The following CTNNA3 variants were observed in gnomAD, a reference collection of about 807,000 sequenced individuals.
The protein encoded by CTNNA3 is catenin alpha-3.
A neutral mutation model predicts 95.7 loss-of-function variants in CTNNA3; 76 were observed. That is an observed-to-expected ratio of 0.79 (90% CI 0.66 to 0.96). CTNNA3 has a LOEUF of 0.96. CTNNA3 is among the 40% of genes least tolerant of loss of function. The pLI is 0.00. For missense variants in CTNNA3, 1,191 were observed against 1,089.8 expected, an observed-to-expected ratio of 1.09 and a Z score of -1.31; for synonymous variants, 431 against 374.4, an observed-to-expected ratio of 1.15 and a Z score of -1.74.
At chr10:66,697,358 C>T (rs1232552570) in intron 9 of CTNNA3, among the ~76,000 whole-genome samples, 1 of 150,904 alleles carries the variant, frequency 6.6e-6, no homozygotes, top group African/African-American at 2.4e-5. Context: ...AGAATAAATC[C>T]TAGGAAAAGC....
chr10:66,331,342 G>GCTTGCT (rs201302254), intron 12 of CTNNA3, among the ~76,000 whole-genome samples: 1 of 80,346 alleles, frequency 1.2e-5, no homozygotes, highest in Admixed American at 1.6e-4. Flanking sequence ...CCCATTGTTT[G>GCTTGCT]TTTTTTTTTT....
chr10:66,440,098 T>G (rs2131782871), intron 11 of CTNNA3, among the ~76,000 whole-genome samples: 1 of 152,278 alleles, frequency 6.6e-6, no homozygotes, highest in African/African-American at 2.4e-5. Context: ...CTTGGGCTAT[T>G]AAAACAGTAT....
At chr10:67,577,640 A>ACACACATATGTGTGTGTG (rs1564753886) in intron 3 of CTNNA3, among the ~76,000 whole-genome samples, 2 of 151,346 alleles carry the variant, frequency 1.3e-5, no homozygotes, top group South Asian at 2.1e-4. Flanking sequence ...TTGTATATAT[A>ACACACATATGTGTGTGTG]TGTATGTGTA....
intron 7 of CTNNA3, among the ~76,000 whole-genome samples, chr10:66,993,820 G>A (rs1328793003): frequency 6.6e-6 from 1 of 151,928 alleles, no homozygotes; most frequent in African/African-American, 2.4e-5. Flanking sequence ...TGCAAATTTG[G>A]TTAGGTCTTC....
At chr10:66,682,369 G>T (rs1847096182) in intron 9 of CTNNA3, among the ~76,000 whole-genome samples, 1 of 151,972 alleles carries the variant, frequency 6.6e-6, no homozygotes, top group Non-Finnish European at 1.5e-5. Flanking sequence ...AGAAAATAAA[G>T]AAATCTTGTT....
At chr10:66,019,416 A>C (rs1020803906) in intron 15 of CTNNA3, among the ~76,000 whole-genome samples, 7 of 152,062 alleles carry the variant, frequency 4.6e-5, no homozygotes, top group Admixed American at 3.3e-4. Flanking sequence ...ATGTTGAAGG[A>C]TATAGAATAG....
intron 10 of CTNNA3, among the ~76,000 whole-genome samples, chr10:66,577,466 T>C (rs2132183669): frequency 6.6e-6 from 1 of 152,180 alleles, no homozygotes; most frequent in African/African-American, 2.4e-5. Context: ...TTAGTTCTAC[T>C]TTTAAGTTTT....
chr10:66,307,729 G>C (rs1380744895), intron 12 of CTNNA3, among the ~76,000 whole-genome samples: 1 of 152,146 alleles, frequency 6.6e-6, no homozygotes, highest in Admixed American at 6.5e-5. Flanking sequence ...TTGATCTAAA[G>C]ACTTAAGTTT....
At chr10:66,860,322 G>A (rs1843865813) in intron 7 of CTNNA3, among the ~76,000 whole-genome samples, 1 of 152,042 alleles carries the variant, frequency 6.6e-6, no homozygotes, top group Non-Finnish European at 1.5e-5. Flanking sequence ...TAGCGAAGAA[G>A]AAAAATTACT....
intron 10 of CTNNA3, among the ~76,000 whole-genome samples, chr10:66,617,836 T>G (rs530434952): frequency 4.7e-4 from 72 of 151,862 alleles, no homozygotes; most frequent in African/African-American, 1.7e-3. Flanking sequence ...CAAAATCTCC[T>G]TAAGCTGATA....
At chr10:67,754,945 C>G (rs1161543001) in intron 1 of CTNNA3, among the ~76,000 whole-genome samples, 1 of 152,098 alleles carries the variant, frequency 6.6e-6, no homozygotes, top group East Asian at 1.9e-4. Flanking sequence ...AGCCTGTAAT[C>G]TCAGCACTTA....
chr10:66,087,365 T>C (rs10822709), intron 14 of CTNNA3, among the ~76,000 whole-genome samples: 80,007 of 151,888 alleles, frequency 0.53, 21,642 homozygotes, highest in South Asian at 0.6. Context: ...TCTTTGTTCC[T>C]CTTATCGCGA....
At chr10:67,546,200 T>A (rs904834579) in intron 3 of CTNNA3, among the ~76,000 whole-genome samples, 1 of 152,132 alleles carries the variant, frequency 6.6e-6, no homozygotes, top group African/African-American at 2.4e-5. Flanking sequence ...GGGGTAATCT[T>A]AGCTCACTGC....
At chr10:66,852,753 A>C (rs1184157090) in intron 7 of CTNNA3, among the ~76,000 whole-genome samples, 1 of 152,188 alleles carries the variant, frequency 6.6e-6, no homozygotes, top group Non-Finnish European at 1.5e-5. Context: ...AGTTTACATA[A>C]AAATCTCATT....
At chr10:67,609,193 C>T (rs56066436) in intron 2 of CTNNA3, among the ~76,000 whole-genome samples, 13,111 of 150,934 alleles carry the variant, frequency 0.087, 1,313 homozygotes, top group African/African-American at 0.25. Context: ...AAATCACCAT[C>T]GTAGAGGAAT....
chr10:67,419,115 G>A (rs907271797), intron 5 of CTNNA3, among the ~76,000 whole-genome samples: 4 of 152,126 alleles, frequency 2.6e-5, no homozygotes, highest in African/African-American at 9.7e-5. Context: ...ATGGGCTCCA[G>A]TGATTGGTAA....
At position 65,918,696 on chromosome 10, in the gene CTNNA3, T is replaced by C. The variant is rs2077036671; in HGVS notation, c.*1634A>G. 6.6e-6 allele frequency: 1 copy of C among 152,142 alleles called. No individual in the cohort carries two copies. The highest frequency in any genetic ancestry group is 2.4e-5 in the African/African-American group (1 of 41,438). 9.4% of individuals were successfully genotyped at this position (152,142 alleles called of 1,614,324 possible). On this transcript the variant is annotated 3_prime_UTR_variant, in exon 18 of 18. Coordinates refer to ENST00000433211, the MANE Select transcript of CTNNA3 (RefSeq NM_013266.4). ...CCTCCTAGGAAGTTTTACACTGAGCTCAGGCAATCCAGCTACTTGGAAGAT... is the reference window on the plus strand; with the variant it reads ...CCTCCTAGGAAGTTTTACACTGAGCCCAGGCAATCCAGCTACTTGGAAGAT...
intron 7 of CTNNA3, among the ~76,000 whole-genome samples, chr10:67,169,817 C>G (rs10822994): frequency 0.3 from 45,455 of 152,028 alleles, 10,035 homozygotes; most frequent in African/African-American, 0.63. Context: ...ACTATCAACA[C>G]AGTAAACAGA....
intron 3 of CTNNA3, among the ~76,000 whole-genome samples, chr10:67,579,667 C>A (rs890974434): frequency 6.6e-6 from 1 of 151,868 alleles, no homozygotes; most frequent in Non-Finnish European, 1.5e-5. Context: ...TACAGTCCCA[C>A]CAACAGTGTA....
Sources: gnomAD v4.1 joint callset for allele counts (sites outside exome capture counted in the v4.1 genomes callset) on GRCh38, gnomAD v4.1.1 for gene constraint, MANE v1.5 for transcripts, NCBI Gene and HGNC (gene_info 2026-07-23, HGNC 2026-07-21) for gene names.